FNDC3A: variants seen among roughly 807,000 people sequenced by gnomAD.
FNDC3A encodes fibronectin type-III domain-containing protein 3A.
In FNDC3A, 32 loss-of-function variants were observed where a neutral mutation model predicts 148.9. The observed-to-expected ratio is 0.21, with a 90% CI of 0.16 to 0.29. The LOEUF (loss-of-function observed/expected upper bound fraction) is 0.29. FNDC3A is among the 10% of genes least tolerant of loss of function. The probability of loss-of-function intolerance (pLI) is 1.00; values close to 1 mark genes in which losing one functional copy is unlikely to be tolerated. For missense variants in FNDC3A, 1,191 were observed against 1,452.8 expected, an observed-to-expected ratio of 0.82 and a Z score of 2.93; for synonymous variants, 472 against 473.6, an observed-to-expected ratio of 1.00 and a Z score of 0.04.
chr13:49,163,156 C>G (rs1324682203), intron 8 of FNDC3A, among the ~76,000 whole-genome samples: 2 of 152,210 alleles, frequency 1.3e-5, no homozygotes, highest in African/African-American at 2.4e-5. Flanking sequence ...AACCACTACT[C>G]TCCTCAAAGC....
intron 25 of FNDC3A, among the ~76,000 whole-genome samples, chr13:49,204,764 G>A (rs192055680): frequency 1.7e-3 from 258 of 152,028 alleles, no homozygotes; most frequent in African/African-American, 6.1e-3. Context: ...AGGTTAATCT[G>A]TTTTCTTCAG....
intron 6 of FNDC3A, among the ~76,000 whole-genome samples, chr13:49,138,402 G>T (rs1470367132): frequency 2.6e-5 from 4 of 152,034 alleles, no homozygotes; most frequent in African/African-American, 9.7e-5. Flanking sequence ...AGAGGTATGA[G>T]ATTGACAAAT....
intron 4 of FNDC3A, among the ~76,000 whole-genome samples, chr13:49,120,618 T>C (rs1881272892): frequency 6.7e-6 from 1 of 148,734 alleles, no homozygotes; most frequent in South Asian, 2.1e-4. Context: ...GAGACATACA[T>C]AGGCTCAAAA....
chr13:49,151,289 G>C (rs1188868350), intron 8 of FNDC3A, among the ~76,000 whole-genome samples: 1 of 152,050 alleles, frequency 6.6e-6, no homozygotes, highest in Non-Finnish European at 1.5e-5. Flanking sequence ...TATATGTTTA[G>C]AATTGTTATA....
intron 1 of FNDC3A, among the ~76,000 whole-genome samples, chr13:48,983,158 A>G (rs1009471772): frequency 6.6e-6 from 1 of 152,232 alleles, no homozygotes; most frequent in Non-Finnish European, 1.5e-5. Flanking sequence ...ACAGAATGGG[A>G]TGAGAGATAA....
chr13:49,063,359 TA>T (rs200172957), intron 2 of FNDC3A, among the ~76,000 whole-genome samples: 1,710 of 152,160 alleles, frequency 0.011, 31 homozygotes, highest in African/African-American at 0.039. Flanking sequence ...GTTTTTTTTT[TA>T]AAATAATCAT....
At chr13:49,078,734 T>A (rs572399974) in intron 3 of FNDC3A, among the ~76,000 whole-genome samples, 1 of 152,212 alleles carries the variant, frequency 6.6e-6, no homozygotes, top group Non-Finnish European at 1.5e-5. Flanking sequence ...GTTTCTGTCA[T>A]ATGGCAAGCC....
chr13:49,068,968 C>T (rs1180266801), intron 2 of FNDC3A, among the ~76,000 whole-genome samples: 2 of 151,920 alleles, frequency 1.3e-5, no homozygotes, highest in African/African-American at 4.8e-5. Flanking sequence ...GATTTAGTAC[C>T]TGGGTTGCAA....
intron 3 of FNDC3A, among the ~76,000 whole-genome samples, chr13:49,109,835 A>G (rs1880428999): frequency 6.6e-6 from 1 of 152,240 alleles, no homozygotes; most frequent in Non-Finnish European, 1.5e-5. Context: ...ACACATGTCT[A>G]TCAAACCTAT....
chr13:48,988,876 T>G (rs758163373), intron 1 of FNDC3A, among the ~76,000 whole-genome samples: 2 of 150,472 alleles, frequency 1.3e-5, no homozygotes, highest in African/African-American at 2.4e-5. Context: ...AAAAAGCTTA[T>G]AGTAATTTAT....
intron 3 of FNDC3A, among the ~76,000 whole-genome samples, chr13:49,084,259 T>G (rs186650440): frequency 2.6e-5 from 4 of 152,332 alleles, no homozygotes; most frequent in South Asian, 4.1e-4. Context: ...CAACAGAAAT[T>G]GCCTGTTTCA....
intron 1 of FNDC3A, among the ~76,000 whole-genome samples, chr13:48,986,482 G>A (rs183308651): frequency 0.011 from 1,349 of 122,520 alleles, 12 homozygotes; most frequent in African/African-American, 0.027. Context: ...TGCAACCTCC[G>A]CCTCCCAGGT....
chr13:49,190,949 A>C, intron 17 of FNDC3A, 66 bp from the exon 18 acceptor site: 2 of 1,053,660 alleles, frequency 1.9e-6, no homozygotes, highest in Non-Finnish European at 2.8e-6. Flanking sequence ...ATTTTTCCTT[A>C]CCAAAAGCAA....
intron 14 of FNDC3A, among the ~76,000 whole-genome samples, chr13:49,180,935 A>G (rs544832775): frequency 6.6e-6 from 1 of 152,246 alleles, no homozygotes; most frequent in East Asian, 1.9e-4. Context: ...AAAAGCCACC[A>G]GGCATGGTAG....
chr13:49,171,114 T>C (rs1884733089), intron 10 of FNDC3A, among the ~76,000 whole-genome samples: 1 of 152,086 alleles, frequency 6.6e-6, no homozygotes, highest in African/African-American at 2.4e-5. Context: ...TTACCCTAAC[T>C]TACAAGCAAA....
rs139532511 is a variant in FNDC3A at position 49,037,211 on chromosome 13, C to T, written c.99+30922C>T. ...ACTCATACAGCACTTACAGTAACAGCGAATATGTGCATAGATAGTGCTTAC... is the reference window on the plus strand; with the variant it reads ...ACTCATACAGCACTTACAGTAACAGTGAATATGTGCATAGATAGTGCTTAC... On this transcript the variant is annotated intron_variant, in intron 2 of 25. Transcript: ENST00000492622. 2.2e-3 allele frequency among the ~76,000 whole-genome samples: 335 copies of T among 152,232 alleles called. 3 individuals are homozygous for T. The highest frequency in any genetic ancestry group is 3.9e-3 in the Non-Finnish European group (264 of 68,006).
At chr13:49,030,614 T>TA (rs1183553275) in intron 2 of FNDC3A, among the ~76,000 whole-genome samples, 1 of 152,098 alleles carries the variant, frequency 6.6e-6, no homozygotes, top group Non-Finnish European at 1.5e-5. Flanking sequence ...AAGAAAATCT[T>TA]AAAGAATCCA....
At chr13:49,190,462 A>C (rs575986459) in intron 17 of FNDC3A, among the ~76,000 whole-genome samples, 1 of 152,304 alleles carries the variant, frequency 6.6e-6, no homozygotes, top group South Asian at 2.1e-4. Flanking sequence ...GGCTGTAATC[A>C]TACCTGTGAA....
intron 2 of FNDC3A, among the ~76,000 whole-genome samples, chr13:49,033,857 C>T (rs1357750084): frequency 2.6e-5 from 4 of 151,796 alleles, no homozygotes; most frequent in Non-Finnish European, 5.9e-5. Context: ...TTAGAGTAAA[C>T]TTAAAACTAT....
Sources: gnomAD v4.1 joint callset for allele counts (sites outside exome capture counted in the v4.1 genomes callset) on GRCh38, gnomAD v4.1.1 for gene constraint, MANE v1.5 for transcripts, NCBI Gene and HGNC (gene_info 2026-07-23, HGNC 2026-07-21) for gene names.